ARHGAP6: variants seen among roughly 807,000 people sequenced by gnomAD.
The protein encoded by ARHGAP6 is Rho GTPase activating protein 6.
In ARHGAP6, 16 loss-of-function variants were observed where a neutral mutation model predicts 55.7. That is an observed-to-expected ratio of 0.29 (90% CI 0.19 to 0.44). ARHGAP6 has a LOEUF of 0.44. ARHGAP6 is among the 20% of genes least tolerant of loss of function. The pLI is 1.00. For synonymous variants in ARHGAP6, 382 were observed against 360.9 expected (o/e 1.06, Z -0.66); for missense variants, 698 against 808.9 (o/e 0.86, Z 1.66).
At chrX:11,392,414 A>G (rs1051674035) in intron 1 of ARHGAP6, among the ~76,000 whole-genome samples, 3 of 111,800 alleles carry the variant, frequency 2.7e-5, no homozygotes, top group Non-Finnish European at 5.6e-5. Context: ...ATCAATAACA[A>G]TAAATGGCCA....
chrX:11,587,606 G>T (rs1321882262), intron 1 of ARHGAP6, among the ~76,000 whole-genome samples: 4 of 111,968 alleles, frequency 3.6e-5, no homozygotes, highest in African/African-American at 1.3e-4. Flanking sequence ...TGAGCCATTG[G>T]TTCCCAATAA....
chrX:11,587,992 T>G (rs1468732459), intron 1 of ARHGAP6, among the ~76,000 whole-genome samples: 1 of 112,280 alleles, frequency 8.9e-6, no homozygotes, highest in African/African-American at 3.2e-5. Context: ...CACAGTGATA[T>G]GTGTTTATTT....
At chrX:11,664,208 T>A in intron 1 of ARHGAP6, 33 bp downstream of exon 1, 1 of 1,167,587 alleles carries the variant, frequency 8.6e-7, no homozygotes, top group Non-Finnish European at 1.2e-6. Flanking sequence ...GGCCTCCTCC[T>A]TGGGCCGTGG....
chrX:11,338,452 C>T (rs2048666382), intron 1 of ARHGAP6, among the ~76,000 whole-genome samples: 1 of 111,236 alleles, frequency 9.0e-6, no homozygotes, highest in Non-Finnish European at 1.9e-5. Flanking sequence ...CATATACTAC[C>T]CCATTTCATC....
intron 1 of ARHGAP6, among the ~76,000 whole-genome samples, chrX:11,328,063 G>A (rs2048519481): frequency 8.9e-6 from 1 of 112,330 alleles, no homozygotes; most frequent in Non-Finnish European, 1.9e-5. Context: ...CATATTCAGT[G>A]ATAGTTCATA....
chrX:11,213,188 T>C (rs1390116205), intron 2 of ARHGAP6, among the ~76,000 whole-genome samples: 1 of 113,136 alleles, frequency 8.8e-6, no homozygotes, highest in Admixed American at 9.3e-5. Flanking sequence ...CCAGCCACCC[T>C]TGCCCCTTTG....
Position 11,565,706 on chromosome X carries a change from C to T in ARHGAP6, c.588+98535G>A, listed in dbSNP as rs183401898. Among the ~76,000 whole-genome samples, 73 of 112,361 alleles carry T rather than the reference C, an allele frequency of 6.5e-4. 2 individuals carry two copies. The East Asian group carries it at 0.014, about 21-fold the overall frequency. ...AGTCCTTTTCAATTCTTTAGAAAGC[C>T]TCTCACTCCTGTAATAAATCTTTCT... On this transcript the variant is annotated intron_variant, in intron 1 of 12. Transcript: ENST00000337414.
At chrX:11,418,643 G>C (rs1030339754) in intron 1 of ARHGAP6, among the ~76,000 whole-genome samples, 1 of 111,479 alleles carries the variant, frequency 9.0e-6, no homozygotes, top group African/African-American at 3.3e-5. Flanking sequence ...TCCAATATTA[G>C]ATTAATGACA....
intron 1 of ARHGAP6, among the ~76,000 whole-genome samples, chrX:11,343,559 A>T (rs916984734): frequency 8.0e-5 from 9 of 112,144 alleles, no homozygotes; most frequent in African/African-American, 2.9e-4. Context: ...ATATAGAGAA[A>T]TTCTTTACAT....
At chrX:11,181,965 AG>A (rs2046319764) in intron 6 of ARHGAP6, 97 bp downstream of exon 6, 10 of 672,070 alleles carry the variant, frequency 1.5e-5, no homozygotes, top group South Asian at 2.5e-5. Context: ...AAAAAAAAAA[AG>A]ATAATCAAAA....
At chrX:11,177,370 C>CGGG (rs149420907) in intron 8 of ARHGAP6, among the ~76,000 whole-genome samples, 1 of 44,237 alleles carries the variant, frequency 2.3e-5, no homozygotes, top group African/African-American at 7.3e-5. Context: ...ATTTGGTGGG[C>CGGG]GGGGGGGGGG....
intron 1 of ARHGAP6, among the ~76,000 whole-genome samples, chrX:11,322,048 G>A (rs1273747731): frequency 2.7e-5 from 3 of 112,183 alleles, no homozygotes; most frequent in Non-Finnish European, 5.6e-5. Context: ...CACAGATACA[G>A]TGATGCAAGT....
At chrX:11,259,152 A>C (rs2047527255) in intron 1 of ARHGAP6, among the ~76,000 whole-genome samples, 1 of 111,219 alleles carries the variant, frequency 9.0e-6, no homozygotes, top group African/African-American at 3.3e-5. Context: ...CTGCCCTTCC[A>C]AGCCTGTGGT....
chrX:11,632,860 G>T (rs1359828880), intron 1 of ARHGAP6, among the ~76,000 whole-genome samples: 1 of 112,095 alleles, frequency 8.9e-6, no homozygotes, highest in Non-Finnish European at 1.9e-5. Flanking sequence ...CTTGGCTTTT[G>T]TGGGCTTTGC....
intron 1 of ARHGAP6, among the ~76,000 whole-genome samples, chrX:11,344,688 A>AG (rs2048753352): frequency 9.8e-6 from 1 of 102,540 alleles, no homozygotes; most frequent in African/African-American, 3.7e-5. Context: ...CAAAAAAAAA[A>AG]AAAAAAAAAA....
At position 11,630,014 on chromosome X, in the gene ARHGAP6, T is replaced by C. The variant is rs781453638; in HGVS notation, c.588+34227A>G. ...AGAATCGAAGCTCCCCCAACTAGTG[T>C]GTGTGTGTGTGTGTGTATTCACCCT... On this transcript the variant is annotated intron_variant, in intron 1 of 12. Transcript: ENST00000337414. 7.9e-5 allele frequency among the ~76,000 whole-genome samples: 7 copies of C among 88,380 alleles called. No individual in the cohort carries two copies. In the South Asian group the frequency reaches 3.0e-3, roughly 38 times the overall value. The allele number at this position is 88,380 out of a possible 115,157, so 76.7% of individuals were successfully genotyped here. A position where few individuals can be genotyped will look rare whatever the true frequency, so the allele number is the denominator to read the frequency against.
chrX:11,308,974 C>G (rs1200307011), intron 1 of ARHGAP6, among the ~76,000 whole-genome samples: 1 of 111,931 alleles, frequency 8.9e-6, no homozygotes, highest in East Asian at 2.8e-4. Flanking sequence ...TGAATTTACT[C>G]TTAAAGCAAC....
intron 1 of ARHGAP6, among the ~76,000 whole-genome samples, chrX:11,562,654 A>T (rs2051397857): frequency 9.0e-6 from 1 of 111,030 alleles, no homozygotes; most frequent in East Asian, 2.8e-4. Context: ...AAAAAAAAAA[A>T]ACTTCTTGCC....
At chrX:11,454,641 G>C (rs2050179053) in intron 1 of ARHGAP6, among the ~76,000 whole-genome samples, 1 of 111,870 alleles carries the variant, frequency 8.9e-6, no homozygotes, top group Admixed American at 9.5e-5. Flanking sequence ...TTCATTTACT[G>C]ATTGGACAGC....
Sources: gnomAD v4.1 joint callset for allele counts (sites outside exome capture counted in the v4.1 genomes callset) on GRCh38, gnomAD v4.1.1 for gene constraint, MANE v1.5 for transcripts, NCBI Gene and HGNC (gene_info 2026-07-23, HGNC 2026-07-21) for gene names.